Variants in KIRREL3 observed in about 807,000 individuals in gnomAD.
KIRREL3 encodes the protein kirre like nephrin family adhesion molecule 3, also known as kin of IRRE-like protein 3.
A neutral mutation model predicts 89.7 loss-of-function variants in KIRREL3; 36 were observed. That is an observed-to-expected ratio of 0.40 (90% CI 0.31 to 0.53). The LOEUF is 0.53. KIRREL3 is among the 20% of genes least tolerant of loss of function. The pLI, the probability that KIRREL3 is intolerant of heterozygous loss-of-function variation, is 0.49. For missense variants in KIRREL3, 864 were observed against 1,056.6 expected (o/e 0.82, Z 2.53); for synonymous variants, 445 against 441.4 (o/e 1.01, Z -0.10).
intron 1 of KIRREL3, among the ~76,000 whole-genome samples, chr11:126,589,690 C>T (rs923458798): frequency 1.4e-4 from 21 of 152,182 alleles, no homozygotes; most frequent in Non-Finnish European, 2.8e-4. Flanking sequence ...CTGAGTGATC[C>T]GTGACACAGA....
rs891209679 is a variant in KIRREL3, at chr11:126,696,954, G to A, written c.56-134042C>T. 6.6e-6 allele frequency among the ~76,000 whole-genome samples: 1 copy of A among 152,138 alleles called. No individual in the cohort carries two copies. Among genetic ancestry groups the A allele is most frequent in the East Asian group, 1.9e-4 (1 of 5,194 alleles). On this transcript the variant is annotated intron_variant, in intron 1 of 16. Coordinates refer to ENST00000525144, the MANE Select transcript of KIRREL3 (RefSeq NM_032531.4). This position sits in a 1 kb window ranked among gnomAD's most constrained non-coding sequence, Gnocchi z 4.4. ...GAGATGACCTAAGAGCTGCCCTGAG[G>A]ATTAAGTGGTATAATGCACTTAAAC...
In KIRREL3 at chr11:126,709,808, C is replaced by G. The variant is rs952918214; in HGVS notation, c.56-146896G>C. Among the ~76,000 whole-genome samples, 1 of 152,160 alleles carries G rather than the reference C, an allele frequency of 6.6e-6. No homozygotes were observed. The highest frequency in any genetic ancestry group is 2.4e-5 in the African/African-American group (1 of 41,422). On this transcript the variant is annotated intron_variant, in intron 1 of 16. Transcript: ENST00000525144. The surrounding 1 kb of genome is among the most constrained non-coding windows in gnomAD (Gnocchi z 4.0). The stretch of plus-strand genomic sequence containing the variant: ...GCCACAAGATCGTGGTATTTTGTTA[C>G]AGCAGCCCAGGGAAACTAATACAGG...
chr11:126,772,036 A>G lies in KIRREL3; in HGVS notation c.56-209124T>C, dbSNP rs1950034946. On this transcript the variant is annotated intron_variant, in intron 1 of 16. Coordinates refer to ENST00000525144, the MANE Select transcript of KIRREL3 (RefSeq NM_032531.4). This position sits in a 1 kb window ranked among gnomAD's most constrained non-coding sequence, Gnocchi z 4.6. ...GGAGAGGAGGCACTGTCGGGAAACC[A>G]TGACCTTTCCACCTGTCAGAGCTCT... Among the ~76,000 whole-genome samples the G allele has an allele frequency of 6.6e-6, 1 of 152,182 alleles. No homozygotes were observed. Among genetic ancestry groups the G allele is most frequent in the African/African-American group, 2.4e-5 (1 of 41,444 alleles).
rs1950221408 is a variant in KIRREL3 at position 126,997,949 on chromosome 11, C to A, written c.55+2506G>T. Among the ~76,000 whole-genome samples the A allele has an allele frequency of 1.3e-5, 2 of 152,040 alleles. No individual in the cohort carries two copies. The highest frequency in any genetic ancestry group is 4.2e-4 in the South Asian group (2 of 4,814). ...TTCACATTTCCTGGGAGAGGCATCC[C>A]AGCATGCAGGAGGCAGGGGTCAAGC... On this transcript the variant is annotated intron_variant, in intron 1 of 16. Coordinates refer to ENST00000525144, the MANE Select transcript of KIRREL3 (RefSeq NM_032531.4). This position sits in a 1 kb window ranked among gnomAD's most constrained non-coding sequence, Gnocchi z 4.3.
At chr11:126,741,164 C>CTTTG (rs1406421671) in intron 1 of KIRREL3, among the ~76,000 whole-genome samples, 3 of 152,178 alleles carry the variant, frequency 2.0e-5, no homozygotes, top group Admixed American at 2.0e-4. Context: ...TTGTTAATTT[C>CTTTG]TTTGTTTGTG....
chr11:126,952,623 G>A lies in KIRREL3; in HGVS notation c.55+47832C>T, dbSNP rs571273683. Among the ~76,000 whole-genome samples the A allele has an allele frequency of 5.3e-5, 8 of 152,302 alleles. No individual in the cohort carries two copies. The East Asian group carries it at 1.2e-3, about 22-fold the overall frequency. ...GGCTTTTGTTGCCATTGCTTTTGGT[G>A]TTTTAGTCATGAAGTCTTTGCCCAT... On this transcript the variant is annotated intron_variant, in intron 1 of 16. Transcript: ENST00000525144.
In KIRREL3 at chr11:126,531,627, C is replaced by T. The variant is rs1450657933; in HGVS notation, c.134-4940G>A. ...TATCATTGAAGGCCCAGTTCTCTCCCCAGGCAGCTCCTGTGACCCAGATGG... is the reference window on the plus strand; with the variant it reads ...TATCATTGAAGGCCCAGTTCTCTCCTCAGGCAGCTCCTGTGACCCAGATGG... On this transcript the variant is annotated intron_variant, in intron 2 of 16. Transcript: ENST00000525144. The surrounding 1 kb of genome is among the most constrained non-coding windows in gnomAD (Gnocchi z 4.7). Among the ~76,000 whole-genome samples, 1 of 151,780 alleles carries T rather than the reference C, an allele frequency of 6.6e-6. No homozygotes were observed. Among genetic ancestry groups the T allele is most frequent in the Admixed American group, 6.6e-5 (1 of 15,224 alleles).
chr11:126,901,909 G>A (rs1304246837), intron 1 of KIRREL3, among the ~76,000 whole-genome samples: 1 of 152,222 alleles, frequency 6.6e-6, no homozygotes, highest in East Asian at 1.9e-4. Context: ...AGAGTTCGCA[G>A]CTAAAGTGAC....
intron 1 of KIRREL3, among the ~76,000 whole-genome samples, chr11:126,980,443 C>T (rs769672932): frequency 7.9e-5 from 12 of 152,050 alleles, no homozygotes; most frequent in Non-Finnish European, 1.6e-4. Flanking sequence ...CAAAGGGTAG[C>T]CAGTGGGCTT....
intron 1 of KIRREL3, among the ~76,000 whole-genome samples, chr11:126,868,836 G>C (rs1202255990): frequency 6.6e-6 from 1 of 152,120 alleles, no homozygotes; most frequent in East Asian, 1.9e-4. Flanking sequence ...CAAGACCAAG[G>C]CACTGGCAGA....
chr11:126,735,195 A>G (rs1948761476), intron 1 of KIRREL3, among the ~76,000 whole-genome samples: 1 of 152,190 alleles, frequency 6.6e-6, no homozygotes, highest in Non-Finnish European at 1.5e-5. Flanking sequence ...AAGTTGTAAA[A>G]TGTGCTTCTG....
chr11:126,836,123 T>A (rs1392866952), intron 1 of KIRREL3, among the ~76,000 whole-genome samples: 2 of 152,232 alleles, frequency 1.3e-5, no homozygotes, highest in Non-Finnish European at 2.9e-5. Flanking sequence ...ATTTTAATCA[T>A]TTCCCCACAA....
chr11:126,425,575 TG>T, intron 16 of KIRREL3, 62 bp downstream of exon 16: 1 of 1,350,246 alleles, frequency 7.4e-7, no homozygotes, highest in Non-Finnish European at 1.0e-6. Context: ...ATTTGGGGTT[TG>T]GGCCATCAGA....
intron 1 of KIRREL3, among the ~76,000 whole-genome samples, chr11:126,598,719 A>C (rs915905082): frequency 6.6e-6 from 1 of 152,214 alleles, no homozygotes; most frequent in Non-Finnish European, 1.5e-5. Context: ...TTGAATGCCA[A>C]ACTGATACAC....
intron 1 of KIRREL3, among the ~76,000 whole-genome samples, chr11:126,938,779 G>GA (rs1187503187): frequency 7.2e-5 from 11 of 152,090 alleles, no homozygotes; most frequent in African/African-American, 2.4e-4. Flanking sequence ...AAATAAAATA[G>GA]AAAAAACACA....
In KIRREL3 at chr11:126,620,475, T is replaced by C. The variant is rs1421706695; in HGVS notation, c.56-57563A>G. On this transcript the variant is annotated intron_variant, in intron 1 of 16. Coordinates refer to ENST00000525144, the MANE Select transcript of KIRREL3 (RefSeq NM_032531.4). This position sits in a 1 kb window ranked among gnomAD's most constrained non-coding sequence, Gnocchi z 4.8. The stretch of plus-strand genomic sequence containing the variant: ...AGTAGTAATTCTTAATGTGAGGCTC[T>C]AGGTCCATGAAAGGGCCCACATACA... 2.6e-5 allele frequency among the ~76,000 whole-genome samples: 4 copies of C among 152,352 alleles called. No individual in the cohort carries two copies. The South Asian group carries it at 6.2e-4, about 24-fold the overall frequency.
chr11:126,810,708 G>A (rs979600993), intron 1 of KIRREL3, among the ~76,000 whole-genome samples: 2 of 152,184 alleles, frequency 1.3e-5, no homozygotes, highest in African/African-American at 4.8e-5. Context: ...CCCAAGGAAA[G>A]GCGCAGAAAT....
chr11:126,897,256 C>A lies in KIRREL3; in HGVS notation c.55+103199G>T, dbSNP rs564487676. 6.6e-6 allele frequency among the ~76,000 whole-genome samples: 1 copy of A among 151,914 alleles called. No homozygotes were observed. The highest frequency in any genetic ancestry group is 1.5e-5 in the Non-Finnish European group (1 of 67,988). Reference sequence around the variant, plus strand: ...CCTGCTGAGTGTTTTCCCAGGCTGGCGGGGAATCTCATGAGGAGGAGATCA... The same window carrying A: ...CCTGCTGAGTGTTTTCCCAGGCTGGAGGGGAATCTCATGAGGAGGAGATCA... On this transcript the variant is annotated intron_variant, in intron 1 of 16. Transcript: ENST00000525144. The surrounding 1 kb of genome is among the most constrained non-coding windows in gnomAD (Gnocchi z 4.2).
intron 1 of KIRREL3, among the ~76,000 whole-genome samples, chr11:126,887,485 G>A (rs564831549): frequency 1.3e-5 from 2 of 152,272 alleles, no homozygotes; most frequent in South Asian, 4.1e-4. Context: ...TATGAAGTCA[G>A]AAGGGTCACT....
Sources: gnomAD v4.1 joint callset for allele counts (sites outside exome capture counted in the v4.1 genomes callset) on GRCh38, gnomAD v4.1.1 for gene constraint, Gnocchi (gnomAD v3.1) non-coding constraint, MANE v1.5 for transcripts, NCBI Gene and HGNC (gene_info 2026-07-23, HGNC 2026-07-21) for gene names.